Variants in KIF17 observed in about 807,000 individuals in gnomAD.
KIF17 encodes the protein kinesin-like protein KIF17.
KIF17 carries 80 observed loss-of-function variants against 96.8 expected under a neutral mutation model. The ratio of observed to expected loss-of-function variants is 0.83; its 90% CI spans 0.69 to 1.00. The LOEUF (loss-of-function observed/expected upper bound fraction) is 1.00, where lower values mean the gene tolerates loss of function less well. Ranked by LOEUF, KIF17 falls within the 50% of genes least tolerant of loss-of-function variation. The pLI is 0.00. For synonymous variants in KIF17, 567 were observed against 587.5 expected, an observed-to-expected ratio of 0.97 and a Z score of 0.51; for missense variants, 1,280 against 1,372.9, an observed-to-expected ratio of 0.93 and a Z score of 1.07.
At chr1:20,673,061 C>T (rs2053675921) in intron 11 of KIF17, 1 of 152,066 alleles carries the variant, frequency 6.6e-6, no homozygotes, top group South Asian at 2.1e-4. Flanking sequence ...CCCATCTCTA[C>T]TAAAAATACA....
rs1313812893 is a variant in KIF17 at position 20,690,817 on chromosome 1, G to C, written c.1234-482C>G. ...TTCTCCTGCCTCAGCCTCCCAAGTAGCTGGGACTACAAGCATCCGCCACCA... is the reference window on the plus strand; with the variant it reads ...TTCTCCTGCCTCAGCCTCCCAAGTACCTGGGACTACAAGCATCCGCCACCA... On this transcript the variant is annotated intron_variant, in intron 6 of 14. Coordinates refer to ENST00000400463, the MANE Select transcript of KIF17 (RefSeq NM_001122819.3). 3.3e-5 allele frequency among the ~76,000 whole-genome samples: 5 copies of C among 151,800 alleles called. No homozygotes were observed. The East Asian group carries it at 9.7e-4, about 29-fold the overall frequency.
rs1570467356 is a variant in KIF17, at chr1:20,699,793, A to G, written c.1124-1305T>C. ...AGGCCAGTGTGGCTGGAGGGGAGGG[A>G]GTGATGGGCAGGACAGGTGGAGAAG... is the stretch of plus-strand genomic sequence containing the variant. On this transcript the variant is annotated intron_variant, in intron 5 of 14. Transcript: ENST00000400463. The surrounding 1 kb of genome is among the most constrained non-coding windows in gnomAD (Gnocchi z 4.3). Among the ~76,000 whole-genome samples, 1 of 151,636 alleles carries G rather than the reference A, an allele frequency of 6.6e-6. No individual in the cohort carries two copies. Among genetic ancestry groups the G allele is most frequent in the East Asian group, 1.9e-4 (1 of 5,162 alleles).
intron 5 of KIF17, among the ~76,000 whole-genome samples, chr1:20,702,679 T>C (rs2054257942): frequency 6.6e-6 from 1 of 152,190 alleles, no homozygotes. Context: ...CTGCACACAC[T>C]GGACACTCTC....
chr1:20,693,915 GTTGCTTCTTTT>G (rs2054088331), intron 6 of KIF17: 1 of 152,262 alleles, frequency 6.6e-6, no homozygotes, highest in African/African-American at 2.4e-5. Context: ...AGGGCCGCCA[GTTGCTTCTTTT>G]CCTTCCTTGG....
rs114542957 is a variant in KIF17, at chr1:20,698,326, C to T, written c.1233+53G>A. 6.4e-4 allele frequency: 849 copies of T among 1,327,868 alleles called. 5 individuals are homozygous for T. In the African/African-American group the frequency reaches 0.011, roughly 17 times the overall value. The allele number at this position is 1,327,868 out of a possible 1,614,324, so 82.3% of individuals were successfully genotyped here. On this transcript the variant is annotated intron_variant, in intron 6 of 14. Transcript: ENST00000400463. ...CCCAGCGGCAGCCCTGCCCTTCCCG[C>T]TGGGCCCCACCTGCCTGTCCCTTCT...
chr1:20,687,697 C>A lies in KIF17; in HGVS notation c.1629G>T (p.Ser543=). The A allele has an allele frequency of 6.2e-7, 1 of 1,614,158 alleles. No homozygotes were observed. The highest frequency in any genetic ancestry group is 8.5e-7 in the Non-Finnish European group (1 of 1,180,036). The change falls in exon 8 of 15, where the codon TCG becomes TCT. Residue 543 remains serine, a synonymous_variant. Coordinates refer to ENST00000400463, the MANE Select transcript of KIF17 (RefSeq NM_001122819.3). This position sits in a 1 kb window ranked among gnomAD's most constrained non-coding sequence, Gnocchi z 4.4. ...EISLGSSESS[S]LEETSVSEAF... ...CCTCGGACACAGAGGTTTCTTCGAG[C>A]GAGGATGACTCACTGGAGCCCAGAG...
At chr1:20,712,259 T>C (rs2054450735) in intron 3 of KIF17, among the ~76,000 whole-genome samples, 1 of 152,030 alleles carries the variant, frequency 6.6e-6, no homozygotes, top group South Asian at 2.1e-4. Context: ...GCTGGCCTTC[T>C]GGGGCTGACA....
intron 13 of KIF17, among the ~76,000 whole-genome samples, chr1:20,668,992 A>G (rs2053583966): frequency 6.6e-6 from 1 of 152,136 alleles, no homozygotes; most frequent in Non-Finnish European, 1.5e-5. Flanking sequence ...AGAGGCCCAG[A>G]CACAAGGACA....
chr1:20,715,459 C>A, intron 2 of KIF17, 34 bp downstream of exon 2: 1 of 1,607,326 alleles, frequency 6.2e-7, no homozygotes, highest in East Asian at 2.2e-5. Flanking sequence ...AGCTGCAGCT[C>A]TGGCCCTGCC....
chr1:20,696,364 G>A lies in KIF17; in HGVS notation c.1233+2015C>T, dbSNP rs888974126. On this transcript the variant is annotated intron_variant, in intron 6 of 14. Coordinates refer to ENST00000400463, the MANE Select transcript of KIF17 (RefSeq NM_001122819.3). ...AGGAGGGACGCAGGGATAGCGGGGT[G>A]GGGGAGGGGCACAGACATCTTCAAC... is the stretch of plus-strand genomic sequence containing the variant. 2.6e-5 allele frequency among the ~76,000 whole-genome samples: 4 copies of A among 152,174 alleles called. No individual in the cohort carries two copies. In the South Asian group the frequency reaches 6.2e-4, roughly 24 times the overall value.
rs372835418 is a variant in KIF17, at chr1:20,689,139, AC to A, written c.1381+1048del. The stretch of plus-strand genomic sequence containing the variant: ...AGTCCTACCTCGCTGGACTGGGGAG[AC>A]CAGAGGCTCAGTGAGGAGGTGCAGG... On this transcript the variant is annotated intron_variant, in intron 7 of 14. Transcript: ENST00000400463. Among the ~76,000 whole-genome samples the A allele has an allele frequency of 1.2e-3, 179 of 152,170 alleles. 1 individual carries two copies. Among genetic ancestry groups the A allele is most frequent in the African/African-American group, 3.9e-3 (162 of 41,496 alleles).
chr1:20,690,531 T>C (rs2054020606), intron 6 of KIF17, among the ~76,000 whole-genome samples, 196 bp from the exon 7 acceptor site: 1 of 151,938 alleles, frequency 6.6e-6, no homozygotes, highest in Non-Finnish European at 1.5e-5. Flanking sequence ...TTTTGTTTTG[T>C]TTTGTTTTTG....
In KIF17 at chr1:20,709,575, T is replaced by C; in HGVS notation, c.670+64A>G. 2 of 1,583,192 alleles carry C rather than the reference T, an allele frequency of 1.3e-6. No individual in the cohort carries two copies. The highest frequency in any genetic ancestry group is 2.2e-5 in the South Asian group (2 of 90,398). ...GCTCCTGCGGCCCCGAGAGGTGGCG[T>C]GCCTTGGCTAGTGGGAGTGGCTGGG... On this transcript the variant is annotated intron_variant, in intron 4 of 14. Transcript: ENST00000400463. The surrounding 1 kb of genome is among the most constrained non-coding windows in gnomAD (Gnocchi z 4.7).
At chr1:20,661,951 C>T (rs1256514728), downstream of KIF17, among the ~76,000 whole-genome samples, 3 of 152,282 alleles carry the variant, frequency 2.0e-5, no homozygotes, top group African/African-American at 7.2e-5. Flanking sequence ...TGCTGCCCAG[C>T]TCGGTGGCCC....
intron 1 of KIF17, among the ~76,000 whole-genome samples, chr1:20,716,281 G>A (rs1405911733): frequency 6.6e-6 from 1 of 150,968 alleles, no homozygotes; most frequent in East Asian, 1.9e-4. Context: ...TAAAGGGTAA[G>A]AGCAGCACCT....
chr1:20,707,949 G>A (rs549915673), intron 4 of KIF17, among the ~76,000 whole-genome samples: 1 of 151,058 alleles, frequency 6.6e-6, no homozygotes, highest in African/African-American at 2.4e-5. Context: ...AAATGTTAGT[G>A]GTATTTAGGT....
chr1:20,690,430 A>G (rs2054019000), intron 6 of KIF17, 95 bp from the exon 7 acceptor site: 2 of 1,162,294 alleles, frequency 1.7e-6, no homozygotes, highest in African/African-American at 1.5e-5. Context: ...CAAACAATAC[A>G]GAACCTATAA....
intron 1 of KIF17, among the ~76,000 whole-genome samples, chr1:20,716,809 C>T (rs586924): frequency 0.48 from 72,904 of 152,102 alleles, 19,499 homozygotes; most frequent in East Asian, 0.77. Flanking sequence ...GCTCAGCCTA[C>T]GGACAAAGTG....
chr1:20,687,960 C>G lies in KIF17; in HGVS notation c.1382-16G>C, dbSNP rs772310290. On this transcript the variant is annotated splice_polypyrimidine_tract_variant and intron_variant, in intron 7 of 14. Coordinates refer to ENST00000400463, the MANE Select transcript of KIF17 (RefSeq NM_001122819.3). This position sits in a 1 kb window ranked among gnomAD's most constrained non-coding sequence, Gnocchi z 4.4. ...AGGACAGCCTCTGCAAAATGGAGAA[C>G]TTCCTTCAGGTTTTTAAAGGGTCAG... 6.2e-6 allele frequency: 10 copies of G among 1,612,096 alleles called. No individual in the cohort carries two copies. The Admixed American group carries it at 1.7e-4, about 27-fold the overall frequency.
Sources: gnomAD v4.1 joint callset for allele counts (sites outside exome capture counted in the v4.1 genomes callset) on GRCh38, gnomAD v4.1.1 for gene constraint, Gnocchi (gnomAD v3.1) non-coding constraint, MANE v1.5 for transcripts, NCBI Gene and HGNC (gene_info 2026-07-23, HGNC 2026-07-21) for gene names.